CHD9: variants seen among roughly 807,000 people sequenced by gnomAD.
CHD9 encodes ATP-dependent chromatin remodeler CHD9.
In CHD9, 77 loss-of-function variants were observed where a neutral mutation model predicts 316.1. The ratio of observed to expected loss-of-function variants is 0.24; its 90% confidence interval spans 0.20 to 0.29. The LOEUF (loss-of-function observed/expected upper bound fraction) is 0.29. CHD9 is among the 10% of genes least tolerant of loss of function. The probability of loss-of-function intolerance (pLI) is 1.00; values close to 1 mark genes in which losing one functional copy is unlikely to be tolerated. For missense variants in CHD9, 2,763 were observed against 3,438.1 expected (o/e 0.80, Z 4.91); for synonymous variants, 1,129 against 1,158.3 (o/e 0.97, Z 0.51).
intron 17 of CHD9, among the ~76,000 whole-genome samples, chr16:53,251,993 T>C (rs1426690197): frequency 6.6e-6 from 1 of 152,120 alleles, no homozygotes; most frequent in Non-Finnish European, 1.5e-5. Context: ...AATCTACAAA[T>C]TCAATGCAAT....
At chr16:53,179,875 C>T (rs1305094444) in intron 2 of CHD9, among the ~76,000 whole-genome samples, 2 of 148,742 alleles carry the variant, frequency 1.3e-5, no homozygotes, top group African/African-American at 2.5e-5. Flanking sequence ...CTACCCTGGG[C>T]GACGGAGTGA....
chr16:53,103,440 C>T (rs1025673149), intron 1 of CHD9, among the ~76,000 whole-genome samples: 3 of 152,140 alleles, frequency 2.0e-5, no homozygotes, highest in African/African-American at 4.8e-5. Context: ...TTGATGGAGA[C>T]GCTGATTCTT....
chr16:53,239,180 A>G (rs186072479), intron 12 of CHD9, among the ~76,000 whole-genome samples: 142 of 152,230 alleles, frequency 9.3e-4, no homozygotes, highest in Non-Finnish European at 1.4e-3. Flanking sequence ...AGCATTTTCT[A>G]TTTTACTTTG....
chr16:53,081,871 A>ATGAATGAG (rs1322896371), intron 1 of CHD9, among the ~76,000 whole-genome samples: 2 of 151,964 alleles, frequency 1.3e-5, no homozygotes, highest in African/African-American at 4.8e-5. Context: ...GAATGAATGA[A>ATGAATGAG]TAAACCAATA....
chr16:53,125,748 T>C (rs1225123440), intron 1 of CHD9, among the ~76,000 whole-genome samples: 1 of 152,210 alleles, frequency 6.6e-6, no homozygotes, highest in Admixed American at 6.5e-5. Context: ...TTTGCCCAAC[T>C]GTAGGCTACA....
chr16:53,315,992 A>G (rs1301024208), intron 36 of CHD9, among the ~76,000 whole-genome samples: 1 of 152,130 alleles, frequency 6.6e-6, no homozygotes, highest in African/African-American at 2.4e-5. Context: ...CCGTAATCCT[A>G]GCACTTTGGG....
Position 53,273,789 on chromosome 16 carries a change from G to C in CHD9, c.4877+4G>C, listed in dbSNP as rs1405858233. 6.3e-7 allele frequency: 1 copy of C among 1,593,976 alleles called. No homozygotes were observed. Among genetic ancestry groups the C allele is most frequent in the African/African-American group, 1.4e-5 (1 of 73,612 alleles). ...ATATAAAACACCACTGTAATAAGTAGGTATAGGGTATTTTAAACACAACTC... is the reference window on the plus strand; with the variant it reads ...ATATAAAACACCACTGTAATAAGTACGTATAGGGTATTTTAAACACAACTC... On this transcript the variant is annotated splice_donor_region_variant and intron_variant, in intron 23 of 38. Coordinates refer to ENST00000447540, the MANE Select transcript of CHD9 (RefSeq NM_001308319.2).
At chr16:53,056,828 A>G (rs939662288) in intron 1 of CHD9, among the ~76,000 whole-genome samples, 6 of 152,224 alleles carry the variant, frequency 3.9e-5, no homozygotes, top group Admixed American at 2.0e-4. Flanking sequence ...AATGAGAGAA[A>G]CAGGAAGAAA....
intron 1 of CHD9, among the ~76,000 whole-genome samples, chr16:53,086,026 G>A (rs1351947282): frequency 6.6e-6 from 1 of 152,174 alleles, no homozygotes; most frequent in Non-Finnish European, 1.5e-5. Flanking sequence ...GCTTTGGGGA[G>A]TTTATAGCAG....
At chr16:53,277,144 CCAGATGGATTAA>C (rs1250681659) in intron 24 of CHD9, among the ~76,000 whole-genome samples, 3 of 152,058 alleles carry the variant, frequency 2.0e-5, no homozygotes, top group Admixed American at 2.0e-4. Context: ...AAGTCTAGGA[CCAGATGGATTAA>C]CAGCTGAATT....
At chr16:53,278,968 A>G (rs1268234443) in intron 24 of CHD9, among the ~76,000 whole-genome samples, 3 of 152,232 alleles carry the variant, frequency 2.0e-5, no homozygotes, top group Non-Finnish European at 4.4e-5. Context: ...TCAAGGATCT[A>G]GAACTAGAAA....
intron 1 of CHD9, among the ~76,000 whole-genome samples, chr16:53,070,361 G>A (rs1406475339): frequency 6.6e-6 from 1 of 151,950 alleles, no homozygotes; most frequent in Non-Finnish European, 1.5e-5. Context: ...TCTTCTAAGA[G>A]TGTTATGGTT....
In CHD9 at chr16:53,304,056, A is replaced by G; in HGVS notation, c.6050A>G (p.Gln2017Arg). ...AHSRTSTPLLQQYQVALSASP... is the reference protein window; with the variant it reads ...AHSRTSTPLLRQYQVALSASP... ...TCAAGGACTTCTACCCCACTTCTAC[A>G]GCAATATCAAGTAGCACTTTCTGCT... The change falls in exon 31 of 39, where the codon CAG becomes CGG. Residue 2017 changes from glutamine to arginine, a missense_variant. Gln to Arg is a conservative substitution (Grantham distance 43). This residue lies in a region of CHD9 where 663 missense variants were observed against 751.2 expected (regional missense o/e 0.88). Transcript: ENST00000447540. The G allele has an allele frequency of 1.9e-6, 3 of 1,614,040 alleles. No individual in the cohort carries two copies. The highest frequency in any genetic ancestry group is 1.7e-6 in the Non-Finnish European group (2 of 1,179,886).
chr16:53,146,843 TAC>T (rs2040672647), intron 1 of CHD9, among the ~76,000 whole-genome samples: 1 of 151,850 alleles, frequency 6.6e-6, no homozygotes, highest in Non-Finnish European at 1.5e-5. Context: ...ACACGTATTT[TAC>T]CACATTAAAA....
chr16:53,311,295 G>A (rs1363872787), intron 34 of CHD9: 1 of 151,766 alleles, frequency 6.6e-6, no homozygotes, highest in Non-Finnish European at 1.5e-5. Context: ...CTTAATAATT[G>A]CAAATATGAA....
intron 1 of CHD9, among the ~76,000 whole-genome samples, chr16:53,058,457 G>T (rs1194530665): frequency 6.6e-6 from 1 of 152,112 alleles, no homozygotes; most frequent in African/African-American, 2.4e-5. Flanking sequence ...ATAAACAAAG[G>T]TTATGCATTG....
intron 3 of CHD9, among the ~76,000 whole-genome samples, chr16:53,215,159 G>T (rs571695481): frequency 6.6e-6 from 1 of 152,172 alleles, no homozygotes; most frequent in African/African-American, 2.4e-5. Flanking sequence ...CTCGCGATCC[G>T]CCTGCCTCGG....
intron 29 of CHD9, among the ~76,000 whole-genome samples, chr16:53,296,434 ATTTTTTTTT>A (rs35618799): frequency 1.9e-4 from 19 of 101,762 alleles, no homozygotes; most frequent in South Asian, 3.4e-4. Context: ...TTAAAAGTAA[ATTTTTTTTT>A]TTTTTTTTTT....
intron 30 of CHD9, among the ~76,000 whole-genome samples, chr16:53,302,481 TTTAA>T (rs1397278255): frequency 6.6e-5 from 10 of 152,352 alleles, no homozygotes; most frequent in Non-Finnish European, 1.5e-5. Context: ...TGATGTTGAC[TTTAA>T]TTGTGTGGTT....
Sources: gnomAD v4.1 joint callset for allele counts (sites outside exome capture counted in the v4.1 genomes callset) on GRCh38, gnomAD v4.1.1 for gene constraint, gnomAD v4.1.1 regional missense constraint, MANE v1.5 for transcripts, NCBI Gene and HGNC (gene_info 2026-07-23, HGNC 2026-07-21) for gene names.